ADAMTS10: variants seen among roughly 807,000 people sequenced by gnomAD.
ADAMTS10 encodes A disintegrin and metalloproteinase with thrombospondin motifs 10.
A neutral mutation model predicts 135.9 loss-of-function variants in ADAMTS10; 48 were observed. The observed-to-expected ratio is 0.35, with a 90% CI of 0.28 to 0.45. The LOEUF (loss-of-function observed/expected upper bound fraction) is 0.45. Among genes scored for constraint, ADAMTS10 ranks in the 20% least tolerant of loss-of-function variants. The pLI is 1.00. For missense variants in ADAMTS10, 1,131 were observed against 1,565.2 expected (o/e 0.72, Z 4.68); for synonymous variants, 621 against 647.5 (o/e 0.96, Z 0.62).
Position 8,608,891 on chromosome 19 carries a change from C to T in ADAMTS10, c.-214-643G>A, listed in dbSNP as rs79056476. Among the ~76,000 whole-genome samples the T allele has an allele frequency of 7.7e-4, 117 of 151,164 alleles. 1 individual carries two copies. The East Asian group carries it at 0.022, about 29-fold the overall frequency. ...GACAGGGGAAGGGGACTCACCTGTG[C>T]ACAGTGTATGGGGTAGGGGGAGGAG... is the stretch of plus-strand genomic sequence containing the variant. On this transcript the variant is annotated intron_variant, in intron 1 of 25. Transcript: ENST00000597188.
chr19:8,591,291 AAG>A lies in ADAMTS10; in HGVS notation c.1797+507_1797+508del, dbSNP rs2042521820. Among the ~76,000 whole-genome samples the A allele has an allele frequency of 2.6e-5, 4 of 151,614 alleles. No individual in the cohort carries two copies. The South Asian group carries it at 8.4e-4, about 32-fold the overall frequency. On this transcript the variant is annotated intron_variant, in intron 15 of 25. Transcript: ENST00000597188. ...GCTTGTAGTCTAAATGTAGGAGGAA[AAG>A]AGAGCTGGAAGGAGCCAGGTCTTTA...
chr19:8,607,598 T>A (rs1434875600), intron 2 of ADAMTS10, among the ~76,000 whole-genome samples: 1 of 151,914 alleles, frequency 6.6e-6, no homozygotes, highest in East Asian at 1.9e-4. Flanking sequence ...AGTCTGAGAG[T>A]CCAAGTCTGA....
At chr19:8,584,756 G>A in intron 25 of ADAMTS10, 139 bp downstream of exon 25, 3 of 1,266,802 alleles carry the variant, frequency 2.4e-6, no homozygotes, top group Non-Finnish European at 3.3e-6. Context: ...AGGGGATGGT[G>A]AAGGATGGCC....
Position 8,603,839 on chromosome 19 carries a change from G to A in ADAMTS10, c.481C>T (p.Leu161=). ...ADEEEYLIEP[L]HGGPKGSRSP... ...CGAGAACCCTTGGGCCCACCGTGCA[G>A]GGGCTCAATCAGGTACTCTTCCTCG... The change falls in exon 5 of 26, where the codon CTG becomes TTG. Residue 161 remains leucine (L), a synonymous_variant. Coordinates refer to ENST00000597188, the MANE Select transcript of ADAMTS10 (RefSeq NM_030957.4). 1 of 1,614,072 alleles carries A rather than the reference G, an allele frequency of 6.2e-7. No homozygotes were observed. The highest frequency in any genetic ancestry group is 1.6e-4 in the Middle Eastern group (1 of 6,062).
chr19:8,589,342 C>G lies in ADAMTS10; in HGVS notation c.2058G>C (p.Leu686=). ...ECKHVGCDRV[L]GSDLREDKCR... is the part of the protein sequence containing the mutation. ...ACTTGTCCTCCCGCAGGTCGGAGCC[C>G]AGGACTCGGTCGCAGCCCACGTGCT... The change falls in exon 18 of 26, where the codon CTG becomes CTC. Residue 686 remains leucine (L), a synonymous_variant. Coordinates refer to ENST00000597188, the MANE Select transcript of ADAMTS10 (RefSeq NM_030957.4). 6.2e-7 allele frequency: 1 copy of G among 1,612,434 alleles called. No individual in the cohort carries two copies. Among genetic ancestry groups the G allele is most frequent in the Non-Finnish European group, 8.5e-7 (1 of 1,179,954 alleles).
At chr19:8,592,356 G>C in intron 13 of ADAMTS10, 1 of 711,680 alleles carries the variant, frequency 1.4e-6, no homozygotes, top group South Asian at 1.9e-5. Flanking sequence ...CACGATAAGC[G>C]TGGAGACGAG....
intron 22 of ADAMTS10, 108 bp from the exon 23 acceptor site, chr19:8,585,768 T>A: frequency 8.5e-7 from 1 of 1,178,932 alleles, no homozygotes. Context: ...CAGCCTCATA[T>A]GGAAACTGGC....
At position 8,605,670 on chromosome 19, in the gene ADAMTS10, A is replaced by G. The variant is rs1555742480; in HGVS notation, c.41T>C (p.Leu14Pro). Residue 14 changes from leucine to proline, a missense_variant, in exon 3 of 26, where the codon CTG becomes CCG. Transcript: ENST00000597188. This position sits in a 1 kb window ranked among gnomAD's most constrained non-coding sequence, Gnocchi z 7.7. ...ACQILRWALA[L>P]GLGLMFEVTH... Reference sequence around the variant, plus strand: ...GACCTCGAACATGAGGCCCAGCCCCAGGGCGAGGGCCCAGCGGAGGATCTG... The same window carrying G: ...GACCTCGAACATGAGGCCCAGCCCCGGGGCGAGGGCCCAGCGGAGGATCTG... 1 of 1,613,150 alleles carries G rather than the reference A, an allele frequency of 6.2e-7. No homozygotes were observed. Among genetic ancestry groups the G allele is most frequent in the Non-Finnish European group, 8.5e-7 (1 of 1,179,876 alleles).
At position 8,584,937 on chromosome 19, in the gene ADAMTS10, C is replaced by G; in HGVS notation, c.3160G>C (p.Glu1054Gln). 10 of 1,548,850 alleles carry G rather than the reference C, an allele frequency of 6.5e-6. No homozygotes were observed. Among genetic ancestry groups the G allele is most frequent in the Non-Finnish European group, 8.7e-6 (10 of 1,146,490 alleles). The change falls in exon 25 of 26, where the codon GAG becomes CAG. Residue 1054 changes from glutamate to glutamine, a missense_variant. Coordinates refer to ENST00000597188, the MANE Select transcript of ADAMTS10 (RefSeq NM_030957.4). Reference sequence around the variant, plus strand: ...GGGGTTGGGCTGTCGCACTTGGCCTCACACTGCTGCGTGGTGGGCGGCCGC... The same window carrying G: ...GGGGTTGGGCTGTCGCACTTGGCCTGACACTGCTGCGTGGTGGGCGGCCGC... Reference protein sequence around the residue: ...ALRPPTTQQCEAKCDSPTPGD... With the variant: ...ALRPPTTQQCQAKCDSPTPGD...
intron 14 of ADAMTS10, 31 bp from the exon 15 acceptor site, chr19:8,591,894 G>A (rs1326639961): frequency 6.2e-7 from 1 of 1,612,536 alleles, no homozygotes; most frequent in East Asian, 2.2e-5. Flanking sequence ...GGAGAGGGAT[G>A]AGGCAGTGGG....
At chr19:8,594,218 C>A (rs2042577632) in intron 12 of ADAMTS10, among the ~76,000 whole-genome samples, 1 of 152,182 alleles carries the variant, frequency 6.6e-6, no homozygotes, top group Admixed American at 6.5e-5. Context: ...ATTCTGCTAC[C>A]AACTTGCAAT....
intron 6 of ADAMTS10, among the ~76,000 whole-genome samples, chr19:8,598,561 C>T (rs2042629484): frequency 7.4e-6 from 1 of 134,518 alleles, no homozygotes; most frequent in Admixed American, 9.1e-5. Context: ...TGGAAATCCC[C>T]AGAATTTTTT....
chr19:8,589,475 T>C lies in ADAMTS10; in HGVS notation c.2011A>G (p.Ile671Val). 2.1e-6 allele frequency: 3 copies of C among 1,396,910 alleles called. No individual in the cohort carries two copies. The highest frequency in any genetic ancestry group is 2.9e-6 in the Non-Finnish European group (3 of 1,048,660). The allele number at this position is 1,396,910 out of a possible 1,614,324, so 86.5% of individuals were successfully genotyped here. A position where few individuals can be genotyped will look rare whatever the true frequency, so the allele number is the denominator to read the frequency against. The change falls in exon 17 of 26, where the codon ATT becomes GTT. Residue 671 changes from isoleucine (I) to valine (V), a missense_variant. Coordinates refer to ENST00000597188, the MANE Select transcript of ADAMTS10 (RefSeq NM_030957.4). ...GTPCRPDTVD[I>V]CVSGECKHVG... ...ACCTTGCATTCGCCACTGACGCAAA[T>C]GTCCACCGTGTCTGGACGGCAGGGT...
At chr19:8,603,362 C>T (rs533553578) in intron 5 of ADAMTS10, among the ~76,000 whole-genome samples, 1 of 152,216 alleles carries the variant, frequency 6.6e-6, no homozygotes, top group African/African-American at 2.4e-5. Flanking sequence ...GCAACCTCTG[C>T]CTCCCGGGTT....
intron 22 of ADAMTS10, 48 bp downstream of exon 22, chr19:8,586,074 A>G: frequency 6.2e-7 from 1 of 1,611,406 alleles, no homozygotes; most frequent in East Asian, 2.2e-5. Context: ...GACTCCAGGG[A>G]GTACTCTCCT....
chr19:8,598,064 C>A (rs2042625117), intron 6 of ADAMTS10, among the ~76,000 whole-genome samples: 1 of 152,006 alleles, frequency 6.6e-6, no homozygotes, highest in African/African-American at 2.4e-5. Context: ...TCCTCCTGTC[C>A]TGGCCTGGCA....
Position 8,586,563 on chromosome 19 carries a change from C to G in ADAMTS10, c.2398G>C (p.Val800Leu). ...ALGPINASLI[V>L]MVLARTELPA... Reference sequence around the variant, plus strand: ...GCCCCCAGTCTCCCTGTTACCATGACGATGAGAGATGCATTAATCGGTCCC... The same window carrying G: ...GCCCCCAGTCTCCCTGTTACCATGAGGATGAGAGATGCATTAATCGGTCCC... Residue 800 changes from valine to leucine, a missense_variant, in exon 20 of 26, where the codon GTC (valine) becomes CTC (leucine). This residue lies in a region of ADAMTS10 where 745 missense variants were observed against 1,056.3 expected (regional missense o/e 0.71). Transcript: ENST00000597188. 2 of 1,613,710 alleles carry G rather than the reference C, an allele frequency of 1.2e-6. No individual in the cohort carries two copies. The highest frequency in any genetic ancestry group is 8.5e-7 in the Non-Finnish European group (1 of 1,180,004).
chr19:8,592,328 G>A lies in ADAMTS10; in HGVS notation c.1588-225C>T, dbSNP rs182087278. ...GCCTGAGCACAGGGTGCTTAACGGG[G>A]AGGGGTGTAGACAGGACCACGATAA... On this transcript the variant is annotated intron_variant, in intron 13 of 25. Coordinates refer to ENST00000597188, the MANE Select transcript of ADAMTS10 (RefSeq NM_030957.4). 1.9e-3 allele frequency: 1,571 copies of A among 846,006 alleles called. 12 individuals are homozygous for A. Among genetic ancestry groups the A allele is most frequent in the South Asian group, 0.015 (843 of 57,614 alleles). The allele number at this position is 846,006 out of a possible 1,614,324, so 52.4% of individuals were successfully genotyped here. A position where few individuals can be genotyped will look rare whatever the true frequency, so the allele number is the denominator to read the frequency against.
rs1600116457 is a variant in ADAMTS10, at chr19:8,600,991, C to G, written c.747G>C (p.Lys249Asn). The change falls in exon 6 of 26, where the codon AAG becomes AAC. Residue 249 changes from lysine (K) to asparagine (N), a missense_variant. By Grantham distance (94) the Lys-to-Asn change is moderately conservative. Coordinates refer to ENST00000597188, the MANE Select transcript of ADAMTS10 (RefSeq NM_030957.4). ...RYVETLVVAD[K>N]MMVAYHGRRD... ...GGCGCCCGTGATAGGCCACCATCATCTTGTCAGCCACCACCAGGGTCTCCA... is the reference window on the plus strand; with the variant it reads ...GGCGCCCGTGATAGGCCACCATCATGTTGTCAGCCACCACCAGGGTCTCCA... 20 of 1,614,224 alleles carry G rather than the reference C, an allele frequency of 1.2e-5. No individual in the cohort carries two copies. Among genetic ancestry groups the G allele is most frequent in the Non-Finnish European group, 1.7e-5 (20 of 1,180,046 alleles).
Sources: allele counts gnomAD v4.1 joint callset (sites outside exome capture counted in the v4.1 genomes callset), GRCh38; gene constraint gnomAD v4.1.1; regional missense constraint gnomAD v4.1.1; non-coding constraint Gnocchi (gnomAD v3.1); transcripts MANE v1.5; gene names NCBI Gene and HGNC (gene_info 2026-07-23, HGNC 2026-07-21).